The following MTMR3 variants were observed in gnomAD, a reference collection of about 807,000 sequenced individuals.
MTMR3 encodes the protein phosphatidylinositol-3,5-bisphosphate 3-phosphatase MTMR3.
Under a neutral mutation model 132.4 loss-of-function variants are expected in MTMR3, and 32 were observed. The ratio of observed to expected loss-of-function variants is 0.24; its 90% CI spans 0.18 to 0.32. MTMR3 has a LOEUF of 0.32. Ranked by LOEUF, MTMR3 falls within the 10% of genes least tolerant of loss-of-function variation. The pLI is 1.00. For missense variants in MTMR3, 1,216 were observed against 1,489.6 expected (o/e 0.82, Z 3.02); for synonymous variants, 556 against 550.3 (o/e 1.01, Z -0.14).
chr22:29,957,151 C>T (rs1189957405), intron 2 of MTMR3, 63 bp downstream of exon 2: 2 of 142,606 alleles, frequency 1.4e-5, no homozygotes, highest in Non-Finnish European at 3.0e-5. Flanking sequence ...TGTGCTGTTT[C>T]GAGGCAAGGA....
intron 1 of MTMR3, among the ~76,000 whole-genome samples, chr22:29,941,276 G>T (rs1481808877): frequency 2.6e-5 from 4 of 152,096 alleles, no homozygotes; most frequent in African/African-American, 9.7e-5. Flanking sequence ...ATCCATTATA[G>T]AAATATACCA....
chr22:30,004,491 A>G (rs557235300), intron 9 of MTMR3: 2 of 152,322 alleles, frequency 1.3e-5, no homozygotes, highest in East Asian at 3.9e-4. Flanking sequence ...ATTTTATTCT[A>G]GAGGGCATGC....
At chr22:29,895,428 A>G (rs936434881) in intron 1 of MTMR3, among the ~76,000 whole-genome samples, 2 of 152,192 alleles carry the variant, frequency 1.3e-5, no homozygotes, top group African/African-American at 4.8e-5. Flanking sequence ...TTGAGATTCG[A>G]TGAACTCTTG....
intron 1 of MTMR3, among the ~76,000 whole-genome samples, chr22:29,922,881 G>A (rs2065443978): frequency 6.6e-6 from 1 of 150,410 alleles, no homozygotes; most frequent in South Asian, 2.1e-4. Flanking sequence ...CATTTCCCTA[G>A]TGACTAGTGT....
At position 30,027,919 on chromosome 22, in the gene MTMR3, C is replaced by G. The variant is rs2067942738; in HGVS notation, c.*2118C>G. Reference sequence around the variant, plus strand: ...GGTTTATCCCCTCTTCGTCCCTTTTCCCTCTCACACAGAAGTGTTTGAGGG... The same window carrying G: ...GGTTTATCCCCTCTTCGTCCCTTTTGCCTCTCACACAGAAGTGTTTGAGGG... On this transcript the variant is annotated 3_prime_UTR_variant, in exon 20 of 20. Transcript: ENST00000401950. 6.6e-6 allele frequency: 1 copy of G among 152,372 alleles called. No individual in the cohort carries two copies. Among genetic ancestry groups the G allele is most frequent in the Admixed American group, 6.5e-5 (1 of 15,284 alleles). 9.4% of individuals were successfully genotyped at this position (152,372 alleles called of 1,614,324 possible).
chr22:29,978,543 C>T lies in MTMR3; in HGVS notation c.93+12C>T. On this transcript the variant is annotated intron_variant, in intron 4 of 19. Transcript: ENST00000401950. ...ATGAGAATCTTCAGGTAATTATAGG[C>T]CACTTTTAAATGTAAAATATTTATT... The T allele has an allele frequency of 6.3e-7, 1 of 1,599,034 alleles. No homozygotes were observed. The highest frequency in any genetic ancestry group is 1.7e-4 in the Middle Eastern group (1 of 6,022).
chr22:29,923,152 C>T (rs1382059710), intron 1 of MTMR3, among the ~76,000 whole-genome samples: 2 of 151,756 alleles, frequency 1.3e-5, no homozygotes, highest in Non-Finnish European at 2.9e-5. Flanking sequence ...CGCCATTCTC[C>T]TGCCTCAGCC....
intron 5 of MTMR3, chr22:29,981,004 G>A (rs922337776): frequency 3.3e-5 from 5 of 152,036 alleles, no homozygotes; most frequent in African/African-American, 4.8e-5. Context: ...TTCTCTTTTC[G>A]GCCCAGGAAC....
chr22:29,922,952 G>A (rs943654928), intron 1 of MTMR3, among the ~76,000 whole-genome samples: 3 of 149,870 alleles, frequency 2.0e-5, no homozygotes, highest in Non-Finnish European at 4.4e-5. Flanking sequence ...GCGGTGGGGT[G>A]ATCAGGGCTC....
At chr22:29,932,234 A>T (rs1360242089) in intron 1 of MTMR3, among the ~76,000 whole-genome samples, 1 of 152,210 alleles carries the variant, frequency 6.6e-6, no homozygotes, top group African/African-American at 2.4e-5. Flanking sequence ...TTAGATATGT[A>T]TAGACCCATG....
chr22:29,929,899 C>G (rs577365819), intron 1 of MTMR3, among the ~76,000 whole-genome samples: 34 of 152,248 alleles, frequency 2.2e-4, no homozygotes, highest in African/African-American at 8.2e-4. Context: ...TTTGACTGAA[C>G]TGTTTATAGC....
intron 12 of MTMR3, 52 bp downstream of exon 12, chr22:30,009,181 T>C: frequency 7.8e-7 from 1 of 1,283,948 alleles, no homozygotes; most frequent in Middle Eastern, 1.9e-4. Context: ...ATAATAAGTT[T>C]GCTTCTTTCC....
intron 2 of MTMR3, among the ~76,000 whole-genome samples, chr22:29,969,842 T>C (rs544820437): frequency 6.6e-6 from 1 of 152,318 alleles, no homozygotes; most frequent in East Asian, 1.9e-4. Flanking sequence ...AATGATTCTT[T>C]AGAGTAAGTC....
intron 1 of MTMR3, among the ~76,000 whole-genome samples, chr22:29,913,213 ACT>A (rs1411663220): frequency 6.6e-6 from 1 of 152,192 alleles, no homozygotes; most frequent in Non-Finnish European, 1.5e-5. Context: ...GCACCACTGC[ACT>A]CTAGCCTGGG....
chr22:29,931,358 A>T (rs1213474683), intron 1 of MTMR3, among the ~76,000 whole-genome samples: 4 of 152,200 alleles, frequency 2.6e-5, no homozygotes, highest in Non-Finnish European at 5.9e-5. Flanking sequence ...ATTGCTTTGA[A>T]CAAAGGAGGA....
intron 16 of MTMR3, chr22:30,018,727 GA>G (rs2067664968): frequency 2.0e-5 from 3 of 150,552 alleles, no homozygotes; most frequent in Non-Finnish European, 2.9e-5. Flanking sequence ...GACAGGGCAA[GA>G]CCTGTCTCAG....
chr22:29,987,918 G>C (rs1469471976), intron 5 of MTMR3: 1 of 152,270 alleles, frequency 6.6e-6, no homozygotes, highest in Non-Finnish European at 1.5e-5. Flanking sequence ...TTAGTAGAGA[G>C]CCTGGCCAGC....
In MTMR3 at chr22:30,026,621, G is replaced by C. The variant is rs2145992931; in HGVS notation, c.*820G>C. 6.5e-6 allele frequency: 1 copy of C among 152,872 alleles called. No homozygotes were observed. Among genetic ancestry groups the C allele is most frequent in the South Asian group, 2.1e-4 (1 of 4,830 alleles). 9.5% of individuals were successfully genotyped at this position (152,872 alleles called of 1,614,324 possible). On this transcript the variant is annotated 3_prime_UTR_variant, in exon 20 of 20. Coordinates refer to ENST00000401950, the MANE Select transcript of MTMR3 (RefSeq NM_021090.4). Reference sequence around the variant, plus strand: ...CCACCCTCAGGCATGAGTACAGACTGGTCAAAATGTTTATGCAGTCAAGGC... The same window carrying C: ...CCACCCTCAGGCATGAGTACAGACTCGTCAAAATGTTTATGCAGTCAAGGC...
rs753124912 is a variant in MTMR3 at position 29,979,039 on chromosome 22, A to T, written c.197A>T (p.Glu66Val). The change falls in exon 5 of 20, where the codon GAG becomes GTG. Residue 66 changes from glutamate (E) to valine (V), a missense_variant. By Grantham distance (121) the Glu-to-Val change is moderately radical (BLOSUM62 -2). Around this residue, in one of 7 missense-constraint regions of MTMR3, gnomAD observed 81 missense variants for 87.7 expected, o/e 0.92. Coordinates refer to ENST00000401950, the MANE Select transcript of MTMR3 (RefSeq NM_021090.4). ...TACAGACTTCACATCAAGTTCAAGG[A>T]GTCTCTTGTTAATGTAAGTGATTAC... ...SNYRLHIKFK[E>V]SLVNVPLQLI... 3 of 1,608,572 alleles carry T rather than the reference A, an allele frequency of 1.9e-6. No individual in the cohort carries two copies. Among genetic ancestry groups the T allele is most frequent in the Non-Finnish European group, 2.6e-6 (3 of 1,174,890 alleles).
Sources: gnomAD v4.1 joint callset for allele counts (sites outside exome capture counted in the v4.1 genomes callset) on GRCh38, gnomAD v4.1.1 for gene constraint, gnomAD v4.1.1 regional missense constraint, MANE v1.5 for transcripts, NCBI Gene and HGNC (gene_info 2026-07-23, HGNC 2026-07-21) for gene names.